The following THAP3 variants were observed in gnomAD, a reference collection of about 807,000 sequenced individuals.
The protein encoded by THAP3 is THAP domain containing 3, also known as THAP domain-containing protein 3.
Under a neutral mutation model 17.7 loss-of-function variants are expected in THAP3, and 12 were observed. The observed-to-expected ratio is 0.68, with a 90% CI of 0.43 to 1.10. The LOEUF is 1.10. THAP3 is among the 50% of genes least tolerant of loss of function. The pLI, the probability that THAP3 is intolerant of heterozygous loss-of-function variation, is 0.00. For missense variants in THAP3, 289 were observed against 318.0 expected, an observed-to-expected ratio of 0.91 and a Z score of 0.69; for synonymous variants, 133 against 126.9, an observed-to-expected ratio of 1.05 and a Z score of -0.32.
chr1:6,631,634 G>A (rs1435605052), intron 4 of THAP3, among the ~76,000 whole-genome samples: 8 of 152,096 alleles, frequency 5.3e-5, no homozygotes, highest in Non-Finnish European at 8.8e-5. Context: ...GCTGGGCCTG[G>A]TGGCTCACAC....
downstream of THAP3, chr1:6,634,202 C>T (rs2148723857): frequency 3.8e-6 from 4 of 1,049,792 alleles, no homozygotes; most frequent in East Asian, 9.8e-5. Context: ...TGGTGAGTGC[C>T]TTCTGTACAG....
rs868062432 is a variant in THAP3 at position 6,625,261 on chromosome 1, A to G, written c.43A>G (p.Ser15Gly). The change falls in exon 2 of 6, where the codon AGC becomes GGC. Residue 15 changes from serine (S) to glycine (G), a missense_variant. By Grantham distance (56) the Ser-to-Gly change is moderately conservative. Transcript: ENST00000054650. ...GGCCCGGCAGTGCTGCAACCGCTACAGCAGCCGCAGGAAGCAGCTCACCTT... is the reference window on the plus strand; with the variant it reads ...GGCCCGGCAGTGCTGCAACCGCTACGGCAGCCGCAGGAAGCAGCTCACCTT... ...CAARQCCNRY[S>G]SRRKQLTFHR... The G allele has an allele frequency of 1.3e-6, 2 of 1,545,310 alleles. No homozygotes were observed. The highest frequency in any genetic ancestry group is 2.5e-5 in the East Asian group (1 of 40,098).
rs760472872 is a variant in THAP3, at chr1:6,633,019, G to C, written c.662G>C (p.Arg221Pro). Residue 221 changes from arginine to proline, a missense_variant, in exon 6 of 6, where the codon CGT becomes CCT. Transcript: ENST00000054650. ...LVMRRMSSRLRACKGHQGLQA... is the reference protein window; with the variant it reads ...LVMRRMSSRLPACKGHQGLQA... ...ATGCGAAGGATGTCCAGCCGCCTCC[G>C]TGCTTGCAAAGGGCACCAGGGACTC... 3.1e-6 allele frequency: 5 copies of C among 1,611,910 alleles called. No individual in the cohort carries two copies. The highest frequency in any genetic ancestry group is 4.2e-6 in the Non-Finnish European group (5 of 1,179,530).
At chr1:6,630,508 C>G (rs2148719194) in intron 4 of THAP3, among the ~76,000 whole-genome samples, 155 bp downstream of exon 4, 1 of 152,348 alleles carries the variant, frequency 6.6e-6, no homozygotes, top group South Asian at 2.1e-4. Flanking sequence ...AGGCCCAAGC[C>G]TCTCAGCTTC....
chr1:6,632,597 G>A (rs1158484113), intron 5 of THAP3, 102 bp downstream of exon 5: 2 of 1,540,370 alleles, frequency 1.3e-6, no homozygotes. Context: ...GTGTGGCCGA[G>A]GCAGGGTGTG....
At chr1:6,629,029 C>T (rs1363170600) in intron 3 of THAP3, among the ~76,000 whole-genome samples, 3 of 152,190 alleles carry the variant, frequency 2.0e-5, no homozygotes, top group African/African-American at 7.2e-5. Flanking sequence ...TGTTGAAACC[C>T]CATTTCTACT....
At chr1:6,633,663 C>CT (rs2148723342), downstream of THAP3, 12 of 894,988 alleles carry the variant, frequency 1.3e-5, 1 homozygote, top group South Asian at 2.8e-4. Flanking sequence ...AATCCCAGCA[C>CT]TTTGAGAGGC....
chr1:6,632,527 G>T (rs1173276477), intron 5 of THAP3, 32 bp downstream of exon 5: 1 of 1,613,226 alleles, frequency 6.2e-7, no homozygotes, highest in Non-Finnish European at 8.5e-7. Context: ...GTCTGTGGTT[G>T]GACACAAGAT....
intron 5 of THAP3, 43 bp downstream of exon 5, chr1:6,632,538 G>C: frequency 3.1e-6 from 5 of 1,611,644 alleles, no homozygotes; most frequent in Non-Finnish European, 4.2e-6. Flanking sequence ...GACACAAGAT[G>C]ACTTGCTCCA....
At position 6,632,797 on chromosome 1, in the gene THAP3, T is replaced by C; in HGVS notation, c.440T>C (p.Val147Ala). The change falls in exon 6 of 6, where the codon GTC becomes GCC. Residue 147 changes from valine (V) to alanine (A), a missense_variant and splice_region_variant. Physicochemically the swap from Val to Ala is moderately conservative, Grantham distance 64. Coordinates refer to ENST00000054650, the MANE Select transcript of THAP3 (RefSeq NM_001195753.2). Reference sequence around the variant, plus strand: ...AGGCTCTCACTCCCCTGTCCTCAGGTCTCGCCACGGAGGCCGCAAGCAACA... The same window carrying C: ...AGGCTCTCACTCCCCTGTCCTCAGGCCTCGCCACGGAGGCCGCAAGCAACA... ...PPNAEGHVKQ[V>A]SPRRPQATEA... 6.2e-7 allele frequency: 1 copy of C among 1,612,864 alleles called. No individual in the cohort carries two copies. The highest frequency in any genetic ancestry group is 1.3e-5 in the African/African-American group (1 of 75,046).
chr1:6,634,643 C>G (rs763209518), downstream of THAP3: 29 of 1,366,400 alleles, frequency 2.1e-5, no homozygotes, highest in Non-Finnish European at 2.7e-5. Flanking sequence ...AGGTCCAGGC[C>G]GTGGAGGGGG....
chr1:6,634,138 G>A, downstream of THAP3: 1 of 1,526,310 alleles, frequency 6.6e-7, no homozygotes, highest in Non-Finnish European at 9.1e-7. Flanking sequence ...TCCTGAAGAT[G>A]AACACACAAT....
At chr1:6,629,263 AGT>A (rs1641544939) in intron 3 of THAP3, among the ~76,000 whole-genome samples, 2 of 152,174 alleles carry the variant, frequency 1.3e-5, no homozygotes, top group African/African-American at 4.8e-5. Context: ...ACCCACGTGG[AGT>A]GGGCAGGCAG....
chr1:6,634,373 G>A (rs1641712913), downstream of THAP3: 1 of 1,156,362 alleles, frequency 8.6e-7, no homozygotes, highest in Admixed American at 3.2e-5. Context: ...GAATGTTACA[G>A]AATTGGACAA....
chr1:6,626,563 C>T (rs1354059391), intron 2 of THAP3, among the ~76,000 whole-genome samples: 1 of 152,236 alleles, frequency 6.6e-6, no homozygotes, highest in Non-Finnish European at 1.5e-5. Flanking sequence ...GGAGGCTGGG[C>T]GTGGTGGCTC....
At chr1:6,635,107 A>G (rs1641736752), downstream of THAP3, 1 of 176,630 alleles carries the variant, frequency 5.7e-6, no homozygotes, top group Admixed American at 5.5e-5. Flanking sequence ...CTAATTTCCA[A>G]ACCCGTTTGT....
chr1:6,634,692 T>G, downstream of THAP3: 1 of 1,365,938 alleles, frequency 7.3e-7, no homozygotes, highest in Non-Finnish European at 9.8e-7. Flanking sequence ...AGTGGGCACG[T>G]GGAGGAAGGG....
chr1:6,634,058 A>T, downstream of THAP3: 1 of 1,613,806 alleles, frequency 6.2e-7, no homozygotes, highest in East Asian at 2.2e-5. Context: ...CCCCAGCTTC[A>T]CGTGAAGCCT....
At chr1:6,627,296 G>A (rs967678031) in intron 2 of THAP3, among the ~76,000 whole-genome samples, 6 of 152,284 alleles carry the variant, frequency 3.9e-5, no homozygotes, top group African/African-American at 1.4e-4. Flanking sequence ...CTCCAGATGC[G>A]TGTGGCCGCC....
Sources: allele counts gnomAD v4.1 joint callset (sites outside exome capture counted in the v4.1 genomes callset), GRCh38; gene constraint gnomAD v4.1.1; transcripts MANE v1.5; gene names NCBI Gene and HGNC (gene_info 2026-07-23, HGNC 2026-07-21).